The following SAR1A variants were observed in gnomAD, a reference collection of about 807,000 sequenced individuals.
SAR1A encodes small COPII coat GTPase SAR1A.
Under a neutral mutation model 22.6 loss-of-function variants are expected in SAR1A, and 6 were observed. That is an observed-to-expected ratio of 0.27 (90% CI 0.15 to 0.52). The LOEUF (loss-of-function observed/expected upper bound fraction) is 0.52. Among genes scored for constraint, SAR1A ranks in the 20% least tolerant of loss-of-function variants. The pLI, the probability that SAR1A is intolerant of heterozygous loss-of-function variation, is 0.96. For synonymous variants in SAR1A, 70 were observed against 82.2 expected (o/e 0.85, Z 0.80); for missense variants, 145 against 245.1 (o/e 0.59, Z 2.73).
intron 5 of SAR1A, among the ~76,000 whole-genome samples, chr10:70,157,144 C>A (rs1209891499): frequency 6.6e-6 from 1 of 152,158 alleles, no homozygotes; most frequent in Non-Finnish European, 1.5e-5. Flanking sequence ...GTGGCTCATG[C>A]CTGTAATCCC....
intron 5 of SAR1A, among the ~76,000 whole-genome samples, chr10:70,156,485 G>A (rs1839387239): frequency 6.6e-6 from 1 of 151,994 alleles, no homozygotes; most frequent in African/African-American, 2.4e-5. Flanking sequence ...GCAACATAAT[G>A]AGACCCTGTC....
intron 4 of SAR1A, among the ~76,000 whole-genome samples, chr10:70,158,836 A>C (rs781560629): frequency 6.6e-6 from 1 of 151,964 alleles, no homozygotes; most frequent in Non-Finnish European, 1.5e-5. Flanking sequence ...ATTATGTAAA[A>C]GTGTTTTTGT....
At chr10:70,164,273 C>T in intron 1 of SAR1A, 1 of 531,928 alleles carries the variant, frequency 1.9e-6, no homozygotes, top group Non-Finnish European at 3.4e-6. Context: ...TCCATGTGTT[C>T]TTCCCTTACT....
chr10:70,169,962 G>T (rs1045823775), intron 1 of SAR1A, among the ~76,000 whole-genome samples: 1 of 152,170 alleles, frequency 6.6e-6, no homozygotes, highest in Non-Finnish European at 1.5e-5. Flanking sequence ...TGGACTAGGG[G>T]CCTGTAGACC....
chr10:70,168,629 G>C (rs191951901), intron 1 of SAR1A, among the ~76,000 whole-genome samples: 661 of 152,172 alleles, frequency 4.3e-3, no homozygotes, highest in Admixed American at 6.9e-3. Context: ...CTAAAGTGAT[G>C]TAAACATTTT....
chr10:70,158,493 T>C (rs1482776048), intron 4 of SAR1A, among the ~76,000 whole-genome samples: 3 of 152,222 alleles, frequency 2.0e-5, no homozygotes, highest in Admixed American at 2.0e-4. Context: ...TAAATATTAC[T>C]TGGTTTTTTG....
At chr10:70,157,972 AT>A in intron 4 of SAR1A, 105 bp from the exon 5 acceptor site, 1 of 712,962 alleles carries the variant, frequency 1.4e-6, no homozygotes, top group Non-Finnish European at 2.4e-6. Context: ...TTTCAGTAAG[AT>A]TAGACTCTAT....
At chr10:70,157,536 T>C in intron 5 of SAR1A, 1 of 488,526 alleles carries the variant, frequency 2.0e-6, no homozygotes, top group Non-Finnish European at 3.6e-6. Flanking sequence ...AATCACTGTA[T>C]GATAGAAACA....
Position 70,157,879 on chromosome 10 carries a change from A to T in SAR1A, c.245-12T>A, listed in dbSNP as rs758417137. On this transcript the variant is annotated splice_polypyrimidine_tract_variant and intron_variant, in intron 4 of 6. Transcript: ENST00000373241. ...CCAAACGCGACGTGCTAAAAAACAA[A>T]GTTTGTAGTTGCATGAGTAAAAAAT... 10 of 1,565,166 alleles carry T rather than the reference A, an allele frequency of 6.4e-6. No individual in the cohort carries two copies. The Admixed American group carries it at 1.5e-4, about 24-fold the overall frequency.
At position 70,161,662 on chromosome 10, in the gene SAR1A, G is replaced by A; in HGVS notation, c.135C>T (p.Leu45=). ...CATGTTGGCCCAATCTGTCATCTTT[G>A]AGCATGTGAAGAAGAGTGGTTTTGC... is the stretch of plus-strand genomic sequence containing the variant. The part of the protein sequence containing the change: ...NAGKTTLLHM[L]KDDRLGQHVP... Residue 45 remains leucine (L), a synonymous_variant, in exon 3 of 7, where the codon CTC becomes CTT. Transcript: ENST00000373241. 6.2e-7 allele frequency: 1 copy of A among 1,612,472 alleles called. No individual in the cohort carries two copies. Among genetic ancestry groups the A allele is most frequent in the Non-Finnish European group, 8.5e-7 (1 of 1,179,974 alleles).
At chr10:70,153,355 C>T (rs1839349288) in intron 6 of SAR1A, among the ~76,000 whole-genome samples, 1 of 152,146 alleles carries the variant, frequency 6.6e-6, no homozygotes, top group Non-Finnish European at 1.5e-5. Flanking sequence ...CTGTGTAGAC[C>T]TGAACAAATC....
chr10:70,152,199 C>A lies in SAR1A; in HGVS notation c.*277G>T. On this transcript the variant is annotated 3_prime_UTR_variant, in exon 7 of 7. Transcript: ENST00000373241. ...TGAGACGTGTTTTTCTTTTCAGGTGCCCCATGATGGCATACAGCTTTACCC... is the reference window on the plus strand; with the variant it reads ...TGAGACGTGTTTTTCTTTTCAGGTGACCCATGATGGCATACAGCTTTACCC... 2.0e-6 allele frequency: 1 copy of A among 488,996 alleles called. No individual in the cohort carries two copies. The highest frequency in any genetic ancestry group is 3.7e-6 in the Non-Finnish European group (1 of 272,620). The allele number at this position is 488,996 out of a possible 1,614,324, so 30.3% of individuals were successfully genotyped here.
Position 70,149,721 on chromosome 10 carries a change from T to A in SAR1A, c.*2755A>T, listed in dbSNP as rs1045760678. The A allele has an allele frequency of 2.0e-5, 3 of 151,726 alleles. No homozygotes were observed. The highest frequency in any genetic ancestry group is 2.1e-4 in the South Asian group (1 of 4,820). 9.4% of individuals were successfully genotyped at this position (151,726 alleles called of 1,614,324 possible). ...TCCATGTACCACAATGCCCAGCTAA[T>A]TTTTTTGTATTTTAGTAGTGATGGG... On this transcript the variant is annotated 3_prime_UTR_variant, in exon 7 of 7. Coordinates refer to ENST00000373241, the MANE Select transcript of SAR1A (RefSeq NM_020150.5).
In SAR1A at chr10:70,159,893, A is replaced by G. The variant is rs550189664; in HGVS notation, c.244+1111T>C. On this transcript the variant is annotated intron_variant, in intron 4 of 6. Coordinates refer to ENST00000373241, the MANE Select transcript of SAR1A (RefSeq NM_020150.5). ...CCTGATAGGAATCTGGAAACCAAAG[A>G]CATAGCCTGAGTAGGCAAAAAGCAC... is the stretch of plus-strand genomic sequence containing the variant. Among the ~76,000 whole-genome samples the G allele has an allele frequency of 7.0e-4, 106 of 152,356 alleles. 1 individual carries two copies. Among genetic ancestry groups the G allele is most frequent in the Middle Eastern group, 3.4e-3 (1 of 294 alleles).
At chr10:70,167,480 G>A (rs1456460491) in intron 1 of SAR1A, 1 of 152,188 alleles carries the variant, frequency 6.6e-6, no homozygotes, top group African/African-American at 2.4e-5. Context: ...GCGCTTGCTT[G>A]TAATCCCAGC....
chr10:70,164,140 C>A (rs983989411), intron 1 of SAR1A: 2 of 702,646 alleles, frequency 2.8e-6, no homozygotes, highest in Non-Finnish European at 5.3e-6. Flanking sequence ...AGACCTTGTA[C>A]AGAATGTGTT....
chr10:70,154,096 G>A, intron 5 of SAR1A, 127 bp from the exon 6 acceptor site: 1 of 665,680 alleles, frequency 1.5e-6, no homozygotes, highest in South Asian at 2.2e-5. Context: ...GTGAAAATCT[G>A]ATCAACTTTA....
At chr10:70,160,716 G>T (rs897419575) in intron 4 of SAR1A, among the ~76,000 whole-genome samples, 1 of 152,084 alleles carries the variant, frequency 6.6e-6, no homozygotes, top group Non-Finnish European at 1.5e-5. Flanking sequence ...GGCTATATCA[G>T]GCAAATACTT....
At chr10:70,154,988 GGACAA>G in intron 5 of SAR1A, 2 of 444,314 alleles carry the variant, frequency 4.5e-6, no homozygotes, top group South Asian at 3.3e-5. Flanking sequence ...CTTTGCATTA[GGACAA>G]TAATTCAGGA....
Sources: allele counts gnomAD v4.1 joint callset (sites outside exome capture counted in the v4.1 genomes callset), GRCh38; gene constraint gnomAD v4.1.1; transcripts MANE v1.5; gene names NCBI Gene and HGNC (gene_info 2026-07-23, HGNC 2026-07-21).